The following KLHL14 variants were observed in gnomAD, a reference collection of about 807,000 sequenced individuals.
The protein encoded by KLHL14 is kelch-like protein 14.
Under a neutral mutation model 64.3 loss-of-function variants are expected in KLHL14, and 22 were observed. That is an observed-to-expected ratio of 0.34 (90% CI 0.24 to 0.49). The LOEUF (loss-of-function observed/expected upper bound fraction) is 0.49, where lower values mean the gene tolerates loss of function less well. Ranked by LOEUF, KLHL14 falls within the 20% of genes least tolerant of loss-of-function variation. The pLI, the probability that KLHL14 is intolerant of heterozygous loss-of-function variation, is 0.99. For synonymous variants in KLHL14, 322 were observed against 333.4 expected, an observed-to-expected ratio of 0.97 and a Z score of 0.37; for missense variants, 661 against 789.0, an observed-to-expected ratio of 0.84 and a Z score of 1.94.
At chr18:32,764,357 T>C (rs2050329638) in intron 2 of KLHL14, among the ~76,000 whole-genome samples, 1 of 152,200 alleles carries the variant, frequency 6.6e-6, no homozygotes, top group Non-Finnish European at 1.5e-5. Flanking sequence ...TTCAAATCCT[T>C]AAGTCATATT....
At chr18:32,676,882 C>G (rs1341511832) in intron 8 of KLHL14, among the ~76,000 whole-genome samples, 2 of 152,110 alleles carry the variant, frequency 1.3e-5, no homozygotes, top group Non-Finnish European at 2.9e-5. Context: ...AACTGCAGAA[C>G]ATTTGTAAAA....
intron 2 of KLHL14, among the ~76,000 whole-genome samples, chr18:32,762,915 G>A (rs967389471): frequency 1.3e-5 from 2 of 152,040 alleles, no homozygotes; most frequent in Non-Finnish European, 2.9e-5. Flanking sequence ...TTCAGTTAGA[G>A]AGGTCTTATT....
At chr18:32,684,680 G>C (rs1353578360) in intron 5 of KLHL14, among the ~76,000 whole-genome samples, 1 of 152,164 alleles carries the variant, frequency 6.6e-6, no homozygotes, top group Non-Finnish European at 1.5e-5. Flanking sequence ...TAGCAGCATA[G>C]TGGAAGAGGG....
intron 2 of KLHL14, among the ~76,000 whole-genome samples, chr18:32,768,013 G>A (rs1434932712): frequency 6.6e-6 from 1 of 152,176 alleles, no homozygotes; most frequent in Non-Finnish European, 1.5e-5. Context: ...TTAAATCACA[G>A]AATATTAATC....
intron 3 of KLHL14, among the ~76,000 whole-genome samples, chr18:32,701,164 A>T (rs554042257): frequency 6.6e-6 from 1 of 152,278 alleles, no homozygotes; most frequent in Non-Finnish European, 1.5e-5. Context: ...TCTGATGGTT[A>T]ATTCATTCAA....
intron 3 of KLHL14, among the ~76,000 whole-genome samples, chr18:32,709,411 C>G (rs1204846149): frequency 6.6e-6 from 1 of 152,024 alleles, no homozygotes; most frequent in African/African-American, 2.4e-5. Flanking sequence ...GCTCCCTTAC[C>G]CTTCTTTTGT....
At chr18:32,748,956 C>G (rs2050238634) in intron 2 of KLHL14, among the ~76,000 whole-genome samples, 1 of 152,208 alleles carries the variant, frequency 6.6e-6, no homozygotes, top group Admixed American at 6.5e-5. Context: ...TCAACAACTT[C>G]ATAGTTATTG....
At chr18:32,754,165 C>T (rs550546351) in intron 2 of KLHL14, among the ~76,000 whole-genome samples, 5 of 152,278 alleles carry the variant, frequency 3.3e-5, no homozygotes, top group East Asian at 3.9e-4. Context: ...CTCTGTATAG[C>T]CTAGTGACGA....
chr18:32,677,124 C>A, intron 8 of KLHL14, 49 bp downstream of exon 8: 1 of 1,571,228 alleles, frequency 6.4e-7, no homozygotes, highest in Non-Finnish European at 8.7e-7. Context: ...ATACAGAAAA[C>A]GTAAGCACAA....
At chr18:32,754,889 T>C (rs1345091376) in intron 2 of KLHL14, among the ~76,000 whole-genome samples, 1 of 152,142 alleles carries the variant, frequency 6.6e-6, no homozygotes, top group Non-Finnish European at 1.5e-5. Context: ...ATTTTTAGGG[T>C]AAGAAAAATG....
At chr18:32,727,780 A>T (rs2050115009) in intron 3 of KLHL14, among the ~76,000 whole-genome samples, 1 of 152,234 alleles carries the variant, frequency 6.6e-6, no homozygotes, top group African/African-American at 2.4e-5. Context: ...CTTCAAACAA[A>T]TTTATGAATG....
intron 3 of KLHL14, among the ~76,000 whole-genome samples, chr18:32,739,308 T>C (rs1260210522): frequency 1.3e-5 from 2 of 152,004 alleles, no homozygotes; most frequent in Non-Finnish European, 2.9e-5. Flanking sequence ...ATGAGAAAGA[T>C]TTCTTCATTT....
At chr18:32,747,762 GCTGGGTCCCTGTTCAGCTTCTA>G (rs2050230949) in intron 2 of KLHL14, among the ~76,000 whole-genome samples, 2 of 152,138 alleles carry the variant, frequency 1.3e-5, no homozygotes, top group African/African-American at 4.8e-5. Context: ...ACAGTGCAGT[GCTGGGTCCCTGTTCAGCTTCTA>G]CTGATTATCA....
At chr18:32,744,432 G>A (rs967155543) in intron 2 of KLHL14, 5 of 147,882 alleles carry the variant, frequency 3.4e-5, no homozygotes, top group Admixed American at 2.7e-4. Flanking sequence ...GGCTGAGATT[G>A]TGTCATTGCA....
chr18:32,763,101 C>G (rs2050322785), intron 2 of KLHL14, among the ~76,000 whole-genome samples: 1 of 128,408 alleles, frequency 7.8e-6, no homozygotes, highest in Non-Finnish European at 1.7e-5. Context: ...CAAATTCAAG[C>G]TTCAAGGTTT....
At chr18:32,772,141 CG>C in intron 1 of KLHL14, 1 of 267,786 alleles carries the variant, frequency 3.7e-6, no homozygotes, top group Non-Finnish European at 7.5e-6. Context: ...GGAGAGCCGC[CG>C]CCGCCGCCCG....
At chr18:32,762,832 G>T (rs996357446) in intron 2 of KLHL14, among the ~76,000 whole-genome samples, 9 of 152,158 alleles carry the variant, frequency 5.9e-5, no homozygotes, top group African/African-American at 2.2e-4. Context: ...AAGTGAATGA[G>T]AGAAGACAAA....
intron 3 of KLHL14, among the ~76,000 whole-genome samples, chr18:32,716,766 T>C (rs1340320183): frequency 6.6e-6 from 1 of 152,220 alleles, no homozygotes; most frequent in Non-Finnish European, 1.5e-5. Context: ...TCATTTCATA[T>C]AGTTGATATT....
chr18:32,738,095 T>C (rs2050175560), intron 3 of KLHL14: 1 of 152,020 alleles, frequency 6.6e-6, no homozygotes, highest in Admixed American at 6.6e-5. Flanking sequence ...TCCTGGAAAA[T>C]ACCTTGCCCA....
Sources: allele counts gnomAD v4.1 joint callset (sites outside exome capture counted in the v4.1 genomes callset), GRCh38; gene constraint gnomAD v4.1.1; transcripts MANE v1.5; gene names NCBI Gene and HGNC (gene_info 2026-07-23, HGNC 2026-07-21).